Variants in VPS52 observed in about 807,000 individuals in gnomAD.
The protein encoded by VPS52 is vacuolar protein sorting-associated protein 52 homolog.
Under a neutral mutation model 98.7 loss-of-function variants are expected in VPS52, and 56 were observed. The observed-to-expected ratio is 0.57, with a 90% CI of 0.46 to 0.71. The LOEUF is 0.71. VPS52 is among the 30% of genes least tolerant of loss of function. VPS52 has a pLI of 0.00. For synonymous variants in VPS52, 348 were observed against 346.4 expected (o/e 1.00, Z -0.05); for missense variants, 742 against 925.9 (o/e 0.80, Z 2.58).
chr6:33,261,459 T>G (rs1489021451), intron 17 of VPS52, among the ~76,000 whole-genome samples: 1 of 147,368 alleles, frequency 6.8e-6, no homozygotes, highest in African/African-American at 2.5e-5. Flanking sequence ...AGAGCAAGAC[T>G]CCGTCTGAAA....
chr6:33,267,665 C>T lies in VPS52; in HGVS notation c.991+17G>A, dbSNP rs772778555. ...ACTCTCAAGGCCTGGCATGAGGGTT[C>T]CCCAGTACTAGGATATCTTTCTTTG... On this transcript the variant is annotated intron_variant, in intron 10 of 19. Coordinates refer to ENST00000445902, the MANE Select transcript of VPS52 (RefSeq NM_022553.6). This position sits in a 1 kb window ranked among gnomAD's most constrained non-coding sequence, Gnocchi z 4.2. The T allele has an allele frequency of 7.4e-6, 12 of 1,612,802 alleles. No individual in the cohort carries two copies. The highest frequency in any genetic ancestry group is 6.7e-5 in the African/African-American group (5 of 74,882).
intron 17 of VPS52, among the ~76,000 whole-genome samples, chr6:33,263,006 T>C (rs750645461): frequency 1.3e-5 from 2 of 152,106 alleles, no homozygotes; most frequent in Non-Finnish European, 1.5e-5. Context: ...TATAACTTAA[T>C]TGTACATTTT....
Position 33,267,101 on chromosome 6 carries a change from G to A in VPS52, c.1125+87C>T, listed in dbSNP as rs560119754. Reference sequence around the variant, plus strand: ...AAGGGGATTAAGACAGGGCCTGCAGGTTGGGAAGCTCTGCCCTGAGGTCTG... The same window carrying A: ...AAGGGGATTAAGACAGGGCCTGCAGATTGGGAAGCTCTGCCCTGAGGTCTG... On this transcript the variant is annotated intron_variant, in intron 11 of 19. Transcript: ENST00000445902. The surrounding 1 kb of genome is among the most constrained non-coding windows in gnomAD (Gnocchi z 4.2). The A allele has an allele frequency of 1.5e-5, 21 of 1,427,494 alleles. No individual in the cohort carries two copies. The African/African-American group carries it at 2.7e-4, about 19-fold the overall frequency. The allele number at this position is 1,427,494 out of a possible 1,614,324, so 88.4% of individuals were successfully genotyped here.
chr6:33,264,112 G>C lies in VPS52; in HGVS notation c.1525-9C>G. ...GCATAGCGGCGTGTGATCTAGGAGAGAGTGGGAAGGAAAATCACACCCACC... is the reference window on the plus strand; with the variant it reads ...GCATAGCGGCGTGTGATCTAGGAGACAGTGGGAAGGAAAATCACACCCACC... On this transcript the variant is annotated splice_polypyrimidine_tract_variant and intron_variant, in intron 14 of 19. Transcript: ENST00000445902. 2 of 1,613,404 alleles carry C rather than the reference G, an allele frequency of 1.2e-6. No homozygotes were observed. Among genetic ancestry groups the C allele is most frequent in the Non-Finnish European group, 1.7e-6 (2 of 1,179,706 alleles).
chr6:33,270,743 G>A (rs991962838), intron 1 of VPS52, among the ~76,000 whole-genome samples: 2 of 152,150 alleles, frequency 1.3e-5, no homozygotes, highest in African/African-American at 2.4e-5. Context: ...GAGGTCAGGA[G>A]ATCGAGACCA....
At chr6:33,251,699 T>C in intron 18 of VPS52, 63 bp from the exon 19 acceptor site, 1 of 1,460,278 alleles carries the variant, frequency 6.8e-7, no homozygotes, top group Non-Finnish European at 9.5e-7. Context: ...CACTAAGTTC[T>C]CCCCAAGGTA....
At chr6:33,258,517 G>A (rs73408067) in intron 17 of VPS52, among the ~76,000 whole-genome samples, 6,735 of 149,778 alleles carry the variant, frequency 0.045, 514 homozygotes, top group African/African-American at 0.15. Context: ...TGTAACCTAC[G>A]TATAATCAAC....
intron 17 of VPS52, among the ~76,000 whole-genome samples, chr6:33,252,607 A>G (rs1219023513): frequency 6.9e-6 from 1 of 145,076 alleles, no homozygotes; most frequent in Non-Finnish European, 1.5e-5. Flanking sequence ...AAAAAAAAAA[A>G]AAGGATGTAA....
Position 33,268,554 on chromosome 6 carries a change from C to G in VPS52, c.644G>C (p.Arg215Thr), listed in dbSNP as rs1471848196. 1 of 1,612,804 alleles carries G rather than the reference C, an allele frequency of 6.2e-7. No homozygotes were observed. Among genetic ancestry groups the G allele is most frequent in the Non-Finnish European group, 8.5e-7 (1 of 1,179,976 alleles). The change falls in exon 7 of 20, where the codon AGA becomes ACA. Residue 215 changes from arginine to threonine, a missense_variant. Transcript: ENST00000445902. The surrounding 1 kb of genome is among the most constrained non-coding windows in gnomAD (Gnocchi z 4.0). ...KAAAVREQEA[R>T]GTAACADVRG... The stretch of plus-strand genomic sequence containing the variant: ...GACATCTGCGCAGGCTGCTGTGCCT[C>G]TAGCTTCCTGCTCTCTGACTGCGGC...
At chr6:33,251,661 A>G (rs747752397) in intron 18 of VPS52, 25 bp from the exon 19 acceptor site, 1 of 1,581,732 alleles carries the variant, frequency 6.3e-7, no homozygotes, top group Non-Finnish European at 8.7e-7. Context: ...AAACAGTGTC[A>G]GAGAGGGATC....
At chr6:33,251,072 A>G (rs1444053623) in intron 19 of VPS52, 85 bp from the exon 20 acceptor site, 54 of 1,584,362 alleles carry the variant, frequency 3.4e-5, no homozygotes, top group Non-Finnish European at 4.2e-5. Flanking sequence ...GGCCAGGCGC[A>G]GTGGCTCACA....
At position 33,267,644 on chromosome 6, in the gene VPS52, T is replaced by C. The variant is rs748703393; in HGVS notation, c.991+38A>G. 3 of 1,611,920 alleles carry C rather than the reference T, an allele frequency of 1.9e-6. No homozygotes were observed. The highest frequency in any genetic ancestry group is 1.7e-6 in the Non-Finnish European group (2 of 1,179,232). ...GCTGGAGTCGAAAGTCCTCCCACTC[T>C]CAAGGCCTGGCATGAGGGTTCCCCA... On this transcript the variant is annotated intron_variant, in intron 10 of 19. Coordinates refer to ENST00000445902, the MANE Select transcript of VPS52 (RefSeq NM_022553.6). This position sits in a 1 kb window ranked among gnomAD's most constrained non-coding sequence, Gnocchi z 4.2.
At chr6:33,256,745 G>GTT (rs1763021424) in intron 17 of VPS52, among the ~76,000 whole-genome samples, 1 of 150,774 alleles carries the variant, frequency 6.6e-6, no homozygotes, top group Non-Finnish European at 1.5e-5. Flanking sequence ...GGAGGCTGAG[G>GTT]CAGGAGAATC....
intron 17 of VPS52, 70 bp downstream of exon 17, chr6:33,263,414 C>CTCACACACACACACACACACAG: frequency 1.0e-6 from 1 of 968,796 alleles, no homozygotes; most frequent in South Asian, 1.5e-5. Flanking sequence ...CACACACACA[C>CTCACACACACACACACACACAG]AGAGAGAGAG....
intron 17 of VPS52, among the ~76,000 whole-genome samples, chr6:33,261,294 C>T (rs376026285): frequency 6.6e-6 from 1 of 151,736 alleles, no homozygotes; most frequent in African/African-American, 2.4e-5. Context: ...TGGTGAAATC[C>T]CGTCTCTACT....
At chr6:33,255,249 C>G (rs754605247) in intron 17 of VPS52, among the ~76,000 whole-genome samples, 1 of 151,978 alleles carries the variant, frequency 6.6e-6, no homozygotes, top group Admixed American at 6.6e-5. Context: ...ATCTTTCCTA[C>G]GTAGTATGAA....
At chr6:33,262,783 G>A (rs1236651328) in intron 17 of VPS52, among the ~76,000 whole-genome samples, 2 of 152,124 alleles carry the variant, frequency 1.3e-5, no homozygotes, top group Non-Finnish European at 2.9e-5. Flanking sequence ...AAAGACAAAC[G>A]TCATGTGTTC....
intron 1 of VPS52, among the ~76,000 whole-genome samples, chr6:33,270,900 A>G (rs1257260423): frequency 1.3e-5 from 2 of 148,714 alleles, no homozygotes; most frequent in Admixed American, 6.8e-5. Flanking sequence ...GCAGTGAGCC[A>G]AGATCGCGCC....
rs1188108902 is a variant in VPS52 at position 33,251,547 on chromosome 6, T to G, written c.1996A>C (p.Asn666His). Residue 666 changes from asparagine (N) to histidine (H), a missense_variant, in exon 19 of 20, where the codon AAC (asparagine) becomes CAC (histidine). Asn to His is a moderately conservative substitution (Grantham distance 68). Coordinates refer to ENST00000445902, the MANE Select transcript of VPS52 (RefSeq NM_022553.6). ...LSQDVMRSFTNFRNGTSIIQG... is the reference protein window; with the variant it reads ...LSQDVMRSFTHFRNGTSIIQG... The stretch of plus-strand genomic sequence containing the variant: ...ATGATACTGGTGCCATTTCTGAAGT[T>G]GGTGAAACTCCGCATTACATCCTGA... 1.2e-6 allele frequency: 2 copies of G among 1,613,798 alleles called. No individual in the cohort carries two copies. The highest frequency in any genetic ancestry group is 2.2e-5 in the South Asian group (2 of 91,052).
Sources: allele counts gnomAD v4.1 joint callset (sites outside exome capture counted in the v4.1 genomes callset), GRCh38; gene constraint gnomAD v4.1.1; non-coding constraint Gnocchi (gnomAD v3.1); transcripts MANE v1.5; gene names NCBI Gene and HGNC (gene_info 2026-07-23, HGNC 2026-07-21).